Variants in FBXL6 observed in about 807,000 individuals in gnomAD.
FBXL6 encodes F-box/LRR-repeat protein 6.
Under a neutral mutation model 53.3 loss-of-function variants are expected in FBXL6, and 50 were observed. The observed-to-expected ratio is 0.94, with a 90% CI of 0.75 to 1.19. The LOEUF (loss-of-function observed/expected upper bound fraction) is 1.19. Among genes scored for constraint, FBXL6 ranks in the 50% most tolerant of loss-of-function variants. The pLI is 0.00. For synonymous variants in FBXL6, 405 were observed against 322.9 expected, an observed-to-expected ratio of 1.25 and a Z score of -2.73; for missense variants, 815 against 719.0, an observed-to-expected ratio of 1.13 and a Z score of -1.53.
intron 4 of FBXL6, 30 bp from the exon 5 acceptor site, chr8:144,356,945 C>T (rs1421594288): frequency 3.1e-6 from 5 of 1,613,162 alleles, no homozygotes; most frequent in Non-Finnish European, 4.2e-6. Flanking sequence ...GCACCCGTCA[C>T]CCCGGCCTGG....
In FBXL6 at chr8:144,358,166, T is replaced by TGCGGGC. The variant is rs782149168; in HGVS notation, c.276_281dup (p.Ala98_Pro99dup). 12 of 1,498,712 alleles carry TGCGGGC rather than the reference T, an allele frequency of 8.0e-6. No homozygotes were observed. Among genetic ancestry groups the TGCGGGC allele is most frequent in the South Asian group, 5.1e-5 (4 of 78,906 alleles). The allele number at this position is 1,498,712 out of a possible 1,614,324, so 92.8% of individuals were successfully genotyped here. On this transcript the variant is annotated inframe_insertion, in exon 1 of 9. Transcript: ENST00000331890. ...GCGTGGGCGTGGGTGCCGGTGCGGG[T>TGCGGGC]GCGGGCGCGGCCGCCGCCTCGGACC...
chr8:144,355,908 C>G (rs1554852633), intron 8 of FBXL6, 60 bp downstream of exon 8: 2 of 1,597,614 alleles, frequency 1.3e-6, no homozygotes. Flanking sequence ...AACTTCCAGG[C>G]CCCAGGCAGA....
chr8:144,357,957 C>A (rs1818543330), intron 1 of FBXL6, 75 bp downstream of exon 1: 1 of 1,482,744 alleles, frequency 6.7e-7, no homozygotes, highest in Non-Finnish European at 8.9e-7. Context: ...GCCCTCCGCC[C>A]CCGCCCGGGC....
At position 144,356,323 on chromosome 8, in the gene FBXL6, C is replaced by T. The variant is rs991706503; in HGVS notation, c.1202G>A (p.Gly401Asp). 1.9e-6 allele frequency: 3 copies of T among 1,602,402 alleles called. No individual in the cohort carries two copies. Among genetic ancestry groups the T allele is most frequent in the Non-Finnish European group, 2.5e-6 (3 of 1,177,778 alleles). ...LRGCARITPA[G>D]LQDLPCRELE... Reference sequence around the variant, plus strand: ...ACCCCGACATGGCAGATCCTGAAGGCCAGCCGGCGTGATGCGCGCACAGCC... The same window carrying T: ...ACCCCGACATGGCAGATCCTGAAGGTCAGCCGGCGTGATGCGCGCACAGCC... The change falls in exon 7 of 9, where the codon GGC (glycine) becomes GAC (aspartate). Residue 401 changes from glycine to aspartate, a missense_variant. Coordinates refer to ENST00000331890, the MANE Select transcript of FBXL6 (RefSeq NM_012162.4).
rs116687799 is a variant in FBXL6, at chr8:144,357,364, C to T, written c.639+75G>A. 5.2e-3 allele frequency: 7,699 copies of T among 1,477,974 alleles called. 129 individuals are homozygous for T. In the African/African-American group the frequency reaches 0.052, roughly 10 times the overall value. 91.6% of individuals were successfully genotyped at this position (1,477,974 alleles called of 1,614,324 possible). ...GGAGCAGCGTTGGGCCCCCAAGGTGCCTGACCCACTTCCTAGAGTACTGAA... is the reference window on the plus strand; with the variant it reads ...GGAGCAGCGTTGGGCCCCCAAGGTGTCTGACCCACTTCCTAGAGTACTGAA... On this transcript the variant is annotated intron_variant, in intron 3 of 8. Transcript: ENST00000331890.
Position 144,356,059 on chromosome 8 carries a change from G to C in FBXL6, c.1381C>G (p.Leu461Val), listed in dbSNP as rs781801496. ...CCAGGGGTGCTTAAGAAGGCAGCCA[G>C]GGCCTGCTCCAGGTCCTTCTCACTG... Reference protein sequence around the residue: ...GFSEKDLEQALAAFLSTPGGS... With the variant: ...GFSEKDLEQAVAAFLSTPGGS... The change falls in exon 8 of 9, where the codon CTG becomes GTG. Residue 461 changes from leucine (L) to valine (V), a missense_variant. By Grantham distance (32) the Leu-to-Val change is conservative. Coordinates refer to ENST00000331890, the MANE Select transcript of FBXL6 (RefSeq NM_012162.4). 1 of 1,613,002 alleles carries C rather than the reference G, an allele frequency of 6.2e-7. No homozygotes were observed. Among genetic ancestry groups the C allele is most frequent in the Non-Finnish European group, 8.5e-7 (1 of 1,180,016 alleles).
In FBXL6 at chr8:144,356,987, C is replaced by T. The variant is rs904490383; in HGVS notation, c.771+3G>A. On this transcript the variant is annotated splice_donor_region_variant and intron_variant, in intron 4 of 8. Transcript: ENST00000331890. ...TCAGGGCCCCTTGGGACACAGGGCT[C>T]ACCATGGAGTGCTGTAGGTCCAGGC... 3 of 1,612,894 alleles carry T rather than the reference C, an allele frequency of 1.9e-6. No individual in the cohort carries two copies. Among genetic ancestry groups the T allele is most frequent in the Non-Finnish European group, 1.7e-6 (2 of 1,180,004 alleles).
intron 1 of FBXL6, 120 bp from the exon 2 acceptor site, chr8:144,357,906 G>C: frequency 6.9e-7 from 1 of 1,443,400 alleles, no homozygotes; most frequent in Non-Finnish European, 9.1e-7. Flanking sequence ...CGCCTAAGGG[G>C]CTGCGCTCTC....
chr8:144,356,236 T>C (rs1554852743), intron 7 of FBXL6, 22 bp from the exon 8 acceptor site: 1 of 1,128,162 alleles, frequency 8.9e-7, no homozygotes, highest in Non-Finnish European at 1.1e-6. Flanking sequence ...GGAGTGAGCA[T>C]AAGCTACAAG....
At chr8:144,355,818 C>T in intron 8 of FBXL6, 140 bp from the exon 9 acceptor site, 3 of 1,516,924 alleles carry the variant, frequency 2.0e-6, no homozygotes, top group Non-Finnish European at 2.7e-6. Context: ...CCCCTGGTGT[C>T]CTCAGGCCCA....
rs1459437329 is a variant in FBXL6 at position 144,358,468 on chromosome 8, G to A, written c.-21C>T. 4 of 1,235,332 alleles carry A rather than the reference G, an allele frequency of 3.2e-6. No individual in the cohort carries two copies. The East Asian group carries it at 9.3e-5, about 29-fold the overall frequency. 76.5% of individuals were successfully genotyped at this position (1,235,332 alleles called of 1,614,324 possible). ...GCCATGACCACCGACGGCGCTCGGG[G>A]AAGCCCCAGGGAGCGGAACGGGCGA... On this transcript the variant is annotated 5_prime_UTR_variant, in exon 1 of 9. Coordinates refer to ENST00000331890, the MANE Select transcript of FBXL6 (RefSeq NM_012162.4).
Position 144,355,558 on chromosome 8 carries a change from C to T in FBXL6, c.1593G>A (p.Gln531=), listed in dbSNP as rs534505390. The part of the protein sequence containing the change: ...GLEEVQWCLE[Q]LLTSPSPS The stretch of plus-strand genomic sequence containing the variant: ...AGCTGGGTGAGGGGCTGGTGAGCAG[C>T]TGCTCCAGACACCACTGGACTTCCT... Residue 531 remains glutamine, a synonymous_variant, in exon 9 of 9, where the codon CAG becomes CAA. Coordinates refer to ENST00000331890, the MANE Select transcript of FBXL6 (RefSeq NM_012162.4). 2.5e-6 allele frequency: 4 copies of T among 1,611,082 alleles called. No individual in the cohort carries two copies. The East Asian group carries it at 8.9e-5, about 36-fold the overall frequency.
Position 144,355,913 on chromosome 8 carries a change from G to A in FBXL6, c.1472+55C>T, listed in dbSNP as rs1296505608. The A allele has an allele frequency of 3.7e-6, 6 of 1,601,016 alleles. No homozygotes were observed. In the African/African-American group the frequency reaches 6.7e-5, roughly 18 times the overall value. ...GGCAGGACACAACTTCCAGGCCCCA[G>A]GCAGACACAGTGACAGCCACACTGG... On this transcript the variant is annotated intron_variant, in intron 8 of 8. Coordinates refer to ENST00000331890, the MANE Select transcript of FBXL6 (RefSeq NM_012162.4).
chr8:144,357,000 T>G lies in FBXL6; in HGVS notation c.761A>C (p.Gln254Pro). The G allele has an allele frequency of 6.2e-7, 1 of 1,613,010 alleles. No individual in the cohort carries two copies. Among genetic ancestry groups the G allele is most frequent in the Non-Finnish European group, 8.5e-7 (1 of 1,180,000 alleles). ...ACCQLHSLDLQHSMVESTAVV... is the reference protein window; with the variant it reads ...ACCQLHSLDLPHSMVESTAVV... ...GGACACAGGGCTCACCATGGAGTGCTGTAGGTCCAGGCTATGGAGCTGGCA... is the reference window on the plus strand; with the variant it reads ...GGACACAGGGCTCACCATGGAGTGCGGTAGGTCCAGGCTATGGAGCTGGCA... The change falls in exon 4 of 9, where the codon CAG becomes CCG. Residue 254 changes from glutamine (Q) to proline (P), a missense_variant. By Grantham distance (76) the Gln-to-Pro change is moderately conservative. Transcript: ENST00000331890.
At position 144,356,638 on chromosome 8, in the gene FBXL6, G is replaced by A; in HGVS notation, c.955C>T (p.Pro319Ser). The change falls in exon 6 of 9, where the codon CCT (proline) becomes TCT (serine). Residue 319 changes from proline (P) to serine (S), a missense_variant. Physicochemically the swap from Pro to Ser is moderately conservative, Grantham distance 74 (BLOSUM62 -1). Transcript: ENST00000331890. ...CAGCCTTTCTGCAGAGCCTCGACAG[G>A]CAGCTGAAGGGGAATGCTATTACGG... ...INRNSIPLQLPVEALQKGCPQ... is the reference protein window; with the variant it reads ...INRNSIPLQLSVEALQKGCPQ... The A allele has an allele frequency of 6.2e-7, 1 of 1,613,092 alleles. No individual in the cohort carries two copies. The highest frequency in any genetic ancestry group is 8.5e-7 in the Non-Finnish European group (1 of 1,180,006).
chr8:144,355,545 G>A lies in FBXL6; in HGVS notation c.1606C>T (p.Pro536Ser). The A allele has an allele frequency of 6.2e-7, 1 of 1,610,232 alleles. No homozygotes were observed. The highest frequency in any genetic ancestry group is 1.1e-5 in the South Asian group (1 of 90,994). Residue 536 changes from proline to serine, a missense_variant, in exon 9 of 9, where the codon CCC (proline) becomes TCC (serine). By Grantham distance (74) the Pro-to-Ser change is moderately conservative. Transcript: ENST00000331890. ...TCTGTGGCTGCCTAGCTGGGTGAGG[G>A]GCTGGTGAGCAGCTGCTCCAGACAC... is the stretch of plus-strand genomic sequence containing the variant. ...QWCLEQLLTS[P>S]SPS
At chr8:144,355,764 A>T in intron 8 of FBXL6, 86 bp from the exon 9 acceptor site, 3 of 1,556,436 alleles carry the variant, frequency 1.9e-6, no homozygotes, top group Admixed American at 3.7e-5. Context: ...CTGGTGTTCG[A>T]CACCTGGCTC....
intron 1 of FBXL6, 75 bp downstream of exon 1, chr8:144,357,957 C>G: frequency 6.7e-7 from 1 of 1,482,744 alleles, no homozygotes. Context: ...GCCCTCCGCC[C>G]CCGCCCGGGC....
chr8:144,357,052 C>A lies in FBXL6; in HGVS notation c.709G>T (p.Ala237Ser), dbSNP rs782155174. 1 of 1,612,922 alleles carries A rather than the reference C, an allele frequency of 6.2e-7. No homozygotes were observed. Among genetic ancestry groups the A allele is most frequent in the Non-Finnish European group, 8.5e-7 (1 of 1,180,012 alleles). The change falls in exon 4 of 9, where the codon GCT (alanine) becomes TCT (serine). Residue 237 changes from alanine to serine, a missense_variant. Ala to Ser is a moderately conservative substitution (Grantham distance 99). Coordinates refer to ENST00000331890, the MANE Select transcript of FBXL6 (RefSeq NM_012162.4). Reference protein sequence around the residue: ...LSGCHGVTADALVMLAKACCQ... With the variant: ...LSGCHGVTADSLVMLAKACCQ... ...CAGGCTTTGGCTAGCATGACCAGAG[C>A]GTCAGCAGTCACACCGTGGCAGCCG...
Sources: gnomAD v4.1 joint callset for allele counts on GRCh38, gnomAD v4.1.1 for gene constraint, MANE v1.5 for transcripts, NCBI Gene and HGNC (gene_info 2026-07-23, HGNC 2026-07-21) for gene names.